The following SPPL3 variants were observed in gnomAD, a reference collection of about 807,000 sequenced individuals.
SPPL3 encodes signal peptide peptidase like 3.
Under a neutral mutation model 42.4 loss-of-function variants are expected in SPPL3, and 5 were observed. The observed-to-expected ratio is 0.12, with a 90% confidence interval of 0.06 to 0.25. The LOEUF is 0.25. SPPL3 is among the 10% of genes least tolerant of loss of function. The probability of loss-of-function intolerance (pLI) is 1.00; values close to 1 mark genes in which losing one functional copy is unlikely to be tolerated. For synonymous variants in SPPL3, 195 were observed against 181.8 expected (o/e 1.07, Z -0.58); for missense variants, 235 against 489.0 (o/e 0.48, Z 4.90).
chr12:120,816,980 AT>A (rs780750229), intron 1 of SPPL3, among the ~76,000 whole-genome samples: 1 of 152,106 alleles, frequency 6.6e-6, no homozygotes, highest in Non-Finnish European at 1.5e-5. Flanking sequence ...GGCCAAATTA[AT>A]TTTTATTTTT....
intron 1 of SPPL3, among the ~76,000 whole-genome samples, chr12:120,875,971 T>G (rs1380793351): frequency 6.6e-6 from 1 of 151,816 alleles, no homozygotes; most frequent in African/African-American, 2.4e-5. Context: ...CAAGGAATAT[T>G]AGGAGGGATA....
chr12:120,877,085 A>G (rs1363991051), intron 1 of SPPL3, among the ~76,000 whole-genome samples: 2 of 152,210 alleles, frequency 1.3e-5, no homozygotes, highest in Non-Finnish European at 2.9e-5. Flanking sequence ...AAACTTATAC[A>G]AACAACAAAT....
chr12:120,853,317 T>C (rs924853956), intron 1 of SPPL3, among the ~76,000 whole-genome samples: 4 of 152,322 alleles, frequency 2.6e-5, no homozygotes, highest in Admixed American at 2.6e-4. Context: ...CTATATTATA[T>C]TACATCTACA....
intron 1 of SPPL3, chr12:120,845,292 G>T: frequency 2.8e-6 from 1 of 355,118 alleles, no homozygotes; most frequent in Non-Finnish European, 5.7e-6. Flanking sequence ...CAAACCCCAG[G>T]AGGACAGTAT....
At chr12:120,892,799 G>T (rs933441214) in intron 1 of SPPL3, among the ~76,000 whole-genome samples, 1 of 148,392 alleles carries the variant, frequency 6.7e-6, no homozygotes, top group African/African-American at 2.5e-5. Context: ...TGGCTAACAC[G>T]GTGAAACCCC....
intron 6 of SPPL3, among the ~76,000 whole-genome samples, chr12:120,780,464 A>C (rs372345081): frequency 6.6e-6 from 1 of 151,448 alleles, no homozygotes; most frequent in African/African-American, 2.4e-5. Flanking sequence ...AAACAAAAAA[A>C]GCTGGGGGAG....
At chr12:120,768,850 T>C (rs912050521) in intron 7 of SPPL3, 103 bp downstream of exon 7, 1 of 978,290 alleles carries the variant, frequency 1.0e-6, no homozygotes, top group African/African-American at 1.6e-5. Context: ...GATCAGCAGC[T>C]GGGCAAGCCC....
chr12:120,806,825 C>T (rs915126791), intron 2 of SPPL3, among the ~76,000 whole-genome samples: 21 of 143,384 alleles, frequency 1.5e-4, no homozygotes, highest in Non-Finnish European at 2.5e-4. Context: ...CCAGCCTGGG[C>T]GACAGAGCGA....
chr12:120,866,250 T>A (rs568631064), intron 1 of SPPL3, among the ~76,000 whole-genome samples: 1 of 152,092 alleles, frequency 6.6e-6, no homozygotes, highest in Admixed American at 6.6e-5. Flanking sequence ...ACAAAACCAG[T>A]CCCTGGTGCC....
intron 6 of SPPL3, among the ~76,000 whole-genome samples, chr12:120,773,276 T>C (rs558277929): frequency 6.0e-4 from 92 of 152,364 alleles, no homozygotes; most frequent in African/African-American, 2.2e-3. Flanking sequence ...GAGCAGCTCA[T>C]CTGGCTGGAG....
chr12:120,851,501 A>T lies in SPPL3; in HGVS notation c.24-40615T>A, dbSNP rs113837278. 8.5e-5 allele frequency among the ~76,000 whole-genome samples: 13 copies of T among 152,264 alleles called. 1 individual carries two copies. The highest frequency in any genetic ancestry group is 2.9e-4 in the African/African-American group (12 of 41,552). Reference sequence around the variant, plus strand: ...AATGCCTAATAGCTCTGTTCAGTCGAAGCAGTATTTGTGTCCTAATAGCTC... The same window carrying T: ...AATGCCTAATAGCTCTGTTCAGTCGTAGCAGTATTTGTGTCCTAATAGCTC... On this transcript the variant is annotated intron_variant, in intron 1 of 10. Coordinates refer to ENST00000353487, the MANE Select transcript of SPPL3 (RefSeq NM_139015.5).
intron 4 of SPPL3, 143 bp downstream of exon 4, chr12:120,784,331 G>C: frequency 1.3e-6 from 1 of 750,862 alleles, no homozygotes; most frequent in Non-Finnish European, 2.1e-6. Context: ...AGGGTGGCGT[G>C]GTTGAGACGG....
intron 1 of SPPL3, among the ~76,000 whole-genome samples, chr12:120,867,602 T>G (rs974240257): frequency 3.4e-5 from 5 of 149,136 alleles, no homozygotes; most frequent in African/African-American, 9.9e-5. Context: ...GAGGCGGAGG[T>G]TGCAGGGAGC....
intron 6 of SPPL3, among the ~76,000 whole-genome samples, chr12:120,770,307 G>A (rs1869067636): frequency 6.6e-6 from 1 of 152,200 alleles, no homozygotes; most frequent in Non-Finnish European, 1.5e-5. Flanking sequence ...GATTACAGGT[G>A]TGAGCCACCA....
At chr12:120,880,304 G>A (rs1288080826) in intron 1 of SPPL3, among the ~76,000 whole-genome samples, 1 of 151,852 alleles carries the variant, frequency 6.6e-6, no homozygotes, top group Admixed American at 6.6e-5. Context: ...ACAAATAAGA[G>A]CTAAAACTAA....
At chr12:120,802,393 AT>A (rs1287559574) in intron 2 of SPPL3, among the ~76,000 whole-genome samples, 1 of 120,034 alleles carries the variant, frequency 8.3e-6, no homozygotes, top group Non-Finnish European at 1.6e-5. Flanking sequence ...ATATATACAC[AT>A]ATATGTGTGT....
chr12:120,795,671 C>A (rs1870073845), intron 2 of SPPL3, among the ~76,000 whole-genome samples: 2 of 152,062 alleles, frequency 1.3e-5, no homozygotes, highest in Admixed American at 1.3e-4. Context: ...TCATTTTGAG[C>A]TACTGATTAT....
intron 1 of SPPL3, among the ~76,000 whole-genome samples, chr12:120,895,402 G>A (rs1356103666): frequency 2.6e-5 from 4 of 151,532 alleles, no homozygotes; most frequent in African/African-American, 9.7e-5. Flanking sequence ...ACTCCAGCCT[G>A]GGTGACAAGA....
intron 1 of SPPL3, among the ~76,000 whole-genome samples, chr12:120,855,248 C>A (rs1418387774): frequency 6.6e-6 from 1 of 152,082 alleles, no homozygotes; most frequent in East Asian, 1.9e-4. Context: ...AAAAAATGAA[C>A]AGAAATAATA....
Sources: allele counts gnomAD v4.1 joint callset (sites outside exome capture counted in the v4.1 genomes callset), GRCh38; gene constraint gnomAD v4.1.1; transcripts MANE v1.5; gene names NCBI Gene and HGNC (gene_info 2026-07-23, HGNC 2026-07-21).